PLPP3: variants seen among roughly 807,000 people sequenced by gnomAD.
PLPP3 encodes PAP2 beta.
In PLPP3, 6 loss-of-function variants were observed where a neutral mutation model predicts 29.6. The ratio of observed to expected loss-of-function variants is 0.20; its 90% CI spans 0.11 to 0.40. The LOEUF is 0.40. Ranked by LOEUF, PLPP3 falls within the 10% of genes least tolerant of loss-of-function variation. The probability of loss-of-function intolerance (pLI) is 1.00; values close to 1 mark genes in which losing one functional copy is unlikely to be tolerated. For missense variants in PLPP3, 308 were observed against 407.7 expected (o/e 0.76, Z 2.11); for synonymous variants, 152 against 159.7 (o/e 0.95, Z 0.36).
chr1:56,548,964 T>C (rs1488945388), intron 1 of PLPP3, among the ~76,000 whole-genome samples: 1 of 152,142 alleles, frequency 6.6e-6, no homozygotes, highest in Non-Finnish European at 1.5e-5. Flanking sequence ...GCTGCTTTGT[T>C]CAGTTCTTAT....
intron 1 of PLPP3, among the ~76,000 whole-genome samples, chr1:56,542,239 G>A (rs1450556120): frequency 6.6e-6 from 1 of 152,088 alleles, no homozygotes; most frequent in South Asian, 2.1e-4. Flanking sequence ...GTGGTTTGGG[G>A]GTGGAGTGTA....
intron 1 of PLPP3, among the ~76,000 whole-genome samples, chr1:56,562,436 G>A (rs1403155048): frequency 6.6e-6 from 1 of 152,042 alleles, no homozygotes; most frequent in Admixed American, 6.5e-5. Context: ...TTTCAGATCT[G>A]GGTAAATGAT....
At chr1:56,557,837 C>T (rs962622055) in intron 1 of PLPP3, among the ~76,000 whole-genome samples, 3 of 152,200 alleles carry the variant, frequency 2.0e-5, no homozygotes, top group Non-Finnish European at 4.4e-5. Context: ...CCATCGATCT[C>T]ATAGTCCTTC....
intron 4 of PLPP3, among the ~76,000 whole-genome samples, chr1:56,518,933 G>T (rs1645800486): frequency 6.6e-6 from 1 of 151,900 alleles, no homozygotes; most frequent in Admixed American, 6.6e-5. Context: ...CTGCAAAGGG[G>T]CATAGGGAGA....
chr1:56,571,678 TACTC>T (rs1291947970), intron 1 of PLPP3, among the ~76,000 whole-genome samples: 3 of 152,212 alleles, frequency 2.0e-5, no homozygotes, highest in Non-Finnish European at 2.9e-5. Flanking sequence ...ATTTACATAT[TACTC>T]TGTCTACTCC....
chr1:56,513,070 T>C (rs928714541), intron 4 of PLPP3: 12 of 152,116 alleles, frequency 7.9e-5, no homozygotes, highest in African/African-American at 2.9e-4. Context: ...CTTGGAACTA[T>C]GGATATTGAA....
At position 56,568,146 on chromosome 1, in the gene PLPP3, GA is replaced by G. The variant is rs1646174068; in HGVS notation, c.139+10731del. ...TGCCATGAGATGTGGGAAGGTGGAG[GA>G]AAAATGGGGAGTGACTGGTAGTGGG... On this transcript the variant is annotated intron_variant, in intron 1 of 5. Coordinates refer to ENST00000371250, the MANE Select transcript of PLPP3 (RefSeq NM_003713.5). 3.9e-5 allele frequency among the ~76,000 whole-genome samples: 6 copies of G among 152,204 alleles called. No individual in the cohort carries two copies. The South Asian group carries it at 1.2e-3, about 32-fold the overall frequency.
chr1:56,524,218 A>C lies in PLPP3; in HGVS notation c.575+59T>G. 6.3e-7 allele frequency: 1 copy of C among 1,582,552 alleles called. No homozygotes were observed. Among genetic ancestry groups the C allele is most frequent in the Non-Finnish European group, 8.6e-7 (1 of 1,160,178 alleles). ...ACCAGGGCCCAGCTAGTAAGTGCTC[A>C]CTGAACTGCACTGTATGAAAGGGGT... On this transcript the variant is annotated intron_variant, in intron 3 of 5. Coordinates refer to ENST00000371250, the MANE Select transcript of PLPP3 (RefSeq NM_003713.5). The surrounding 1 kb of genome is among the most constrained non-coding windows in gnomAD (Gnocchi z 4.3).
chr1:56,575,702 T>C (rs1277175805), intron 1 of PLPP3, among the ~76,000 whole-genome samples: 1 of 152,222 alleles, frequency 6.6e-6, no homozygotes, highest in Admixed American at 6.5e-5. Context: ...TGTTAGTCTA[T>C]CCTTCCCTTT....
chr1:56,507,137 T>A (rs1645707357), intron 5 of PLPP3, among the ~76,000 whole-genome samples: 2 of 152,222 alleles, frequency 1.3e-5, no homozygotes, highest in Admixed American at 1.3e-4. Context: ...TGTGACAGGA[T>A]CTACCCTCAA....
At chr1:56,575,002 A>C (rs1309606416) in intron 1 of PLPP3, among the ~76,000 whole-genome samples, 1 of 152,226 alleles carries the variant, frequency 6.6e-6, no homozygotes, top group East Asian at 1.9e-4. Context: ...TGGCAGTACA[A>C]GACTATAATG....
intron 2 of PLPP3, among the ~76,000 whole-genome samples, chr1:56,525,971 G>T (rs1359998760): frequency 6.6e-6 from 1 of 152,144 alleles, no homozygotes; most frequent in East Asian, 1.9e-4. Context: ...GGGACAAACA[G>T]GTGCAGCAGT....
At chr1:56,558,772 T>C (rs1646101037) in intron 1 of PLPP3, among the ~76,000 whole-genome samples, 1 of 152,184 alleles carries the variant, frequency 6.6e-6, no homozygotes, top group Non-Finnish European at 1.5e-5. Flanking sequence ...CTAAGACATA[T>C]CCTCTTTCCA....
chr1:56,523,164 C>T (rs571478701), intron 4 of PLPP3, among the ~76,000 whole-genome samples: 2 of 152,310 alleles, frequency 1.3e-5, no homozygotes, highest in Admixed American at 1.3e-4. Flanking sequence ...GTTATGAAGT[C>T]ATGCGTCCTC....
At chr1:56,512,529 T>C (rs761301119) in intron 4 of PLPP3, 1 of 163,606 alleles carries the variant, frequency 6.1e-6, no homozygotes, top group Non-Finnish European at 1.3e-5. Flanking sequence ...GGAAAATCAC[T>C]TGAACCCAGG....
intron 1 of PLPP3, among the ~76,000 whole-genome samples, chr1:56,553,521 C>T (rs1646054618): frequency 6.6e-6 from 1 of 152,160 alleles, no homozygotes; most frequent in South Asian, 2.1e-4. Flanking sequence ...CACACCAGGT[C>T]CTGGACAGCA....
At chr1:56,549,106 A>C (rs1186178869) in intron 1 of PLPP3, among the ~76,000 whole-genome samples, 1 of 152,244 alleles carries the variant, frequency 6.6e-6, no homozygotes, top group Non-Finnish European at 1.5e-5. Flanking sequence ...AAAGATGTTA[A>C]TGTTGTTAAA....
At chr1:56,520,477 TG>T (rs1341713080) in intron 4 of PLPP3, among the ~76,000 whole-genome samples, 1 of 152,052 alleles carries the variant, frequency 6.6e-6, no homozygotes, top group Non-Finnish European at 1.5e-5. Flanking sequence ...ATAAAAGCCC[TG>T]GGGGAGGGTC....
intron 1 of PLPP3, among the ~76,000 whole-genome samples, chr1:56,547,243 T>C (rs1646011885): frequency 6.6e-6 from 1 of 152,250 alleles, no homozygotes; most frequent in Non-Finnish European, 1.5e-5. Flanking sequence ...TATTTATCTC[T>C]GTGTCCCTGA....
Sources: gnomAD v4.1 joint callset for allele counts (sites outside exome capture counted in the v4.1 genomes callset) on GRCh38, gnomAD v4.1.1 for gene constraint, Gnocchi (gnomAD v3.1) non-coding constraint, MANE v1.5 for transcripts, NCBI Gene and HGNC (gene_info 2026-07-23, HGNC 2026-07-21) for gene names.